The following ARHGAP6 variants were observed in gnomAD, a reference collection of about 807,000 sequenced individuals.
ARHGAP6 encodes Rho GTPase activating protein 6.
ARHGAP6 carries 16 observed loss-of-function variants against 55.7 expected under a neutral mutation model. The ratio of observed to expected loss-of-function variants is 0.29; its 90% confidence interval spans 0.19 to 0.44. The LOEUF is 0.44. Ranked by LOEUF, ARHGAP6 falls within the 20% of genes least tolerant of loss-of-function variation. The pLI is 1.00. For missense variants in ARHGAP6, 698 were observed against 808.9 expected, an observed-to-expected ratio of 0.86 and a Z score of 1.66; for synonymous variants, 382 against 360.9, an observed-to-expected ratio of 1.06 and a Z score of -0.66.
intron 1 of ARHGAP6, among the ~76,000 whole-genome samples, chrX:11,496,426 GCTA>G (rs1434620571): frequency 9.9e-5 from 11 of 110,726 alleles, no homozygotes; most frequent in Non-Finnish European, 1.7e-4. Flanking sequence ...TTATATATCT[GCTA>G]CTATAAGATT....
intron 9 of ARHGAP6, among the ~76,000 whole-genome samples, chrX:11,165,178 A>G (rs2046001958): frequency 9.0e-6 from 1 of 111,689 alleles, no homozygotes; most frequent in Non-Finnish European, 1.9e-5. Context: ...CAGAATTGCA[A>G]TATTTATTCA....
At chrX:11,418,946 C>T (rs1238709202) in intron 1 of ARHGAP6, among the ~76,000 whole-genome samples, 1 of 112,188 alleles carries the variant, frequency 8.9e-6, no homozygotes, top group Non-Finnish European at 1.9e-5. Context: ...CCCCCTCCCG[C>T]CAGCCCTCAA....
chrX:11,342,412 G>C (rs1405415610), intron 1 of ARHGAP6, among the ~76,000 whole-genome samples: 1 of 112,082 alleles, frequency 8.9e-6, no homozygotes, highest in Non-Finnish European at 1.9e-5. Context: ...GGACGCTATA[G>C]TCTGGATCCT....
At chrX:11,521,714 T>G (rs773065901) in intron 1 of ARHGAP6, among the ~76,000 whole-genome samples, 1 of 111,160 alleles carries the variant, frequency 9.0e-6, no homozygotes, top group African/African-American at 3.3e-5. Flanking sequence ...GGTAGCTTGA[T>G]GGGGATGGCA....
intron 1 of ARHGAP6, among the ~76,000 whole-genome samples, chrX:11,494,045 G>A (rs1367808922): frequency 1.8e-5 from 2 of 110,134 alleles, no homozygotes; most frequent in Non-Finnish European, 3.8e-5. Flanking sequence ...CAGTATGGAT[G>A]TTTGGGACCA....
At chrX:11,239,226 C>G (rs1393947773) in intron 2 of ARHGAP6, among the ~76,000 whole-genome samples, 1 of 111,401 alleles carries the variant, frequency 9.0e-6, no homozygotes, top group Non-Finnish European at 1.9e-5. Context: ...ATCTTCATAA[C>G]TCTCTGTAAT....
At chrX:11,432,108 T>C (rs888727559) in intron 1 of ARHGAP6, among the ~76,000 whole-genome samples, 1 of 112,719 alleles carries the variant, frequency 8.9e-6, no homozygotes, top group Non-Finnish European at 1.9e-5. Flanking sequence ...TAATCACCCC[T>C]GGTTGAAATC....
chrX:11,443,737 G>A (rs1201425496), intron 1 of ARHGAP6, among the ~76,000 whole-genome samples: 1 of 111,574 alleles, frequency 9.0e-6, no homozygotes, highest in African/African-American at 3.3e-5. Flanking sequence ...GACCATCCTG[G>A]CTAACATGGT....
chrX:11,309,161 C>T (rs757697282), intron 1 of ARHGAP6, among the ~76,000 whole-genome samples: 10 of 112,122 alleles, frequency 8.9e-5, no homozygotes, highest in Non-Finnish European at 1.5e-4. Context: ...GAATCTTTCA[C>T]GTCTTCCTGG....
intron 1 of ARHGAP6, among the ~76,000 whole-genome samples, chrX:11,268,650 A>T (rs1376730874): frequency 9.0e-6 from 1 of 111,359 alleles, no homozygotes; most frequent in African/African-American, 3.3e-5. Flanking sequence ...CTTCATTTCT[A>T]GCCCCAGTCC....
intron 1 of ARHGAP6, among the ~76,000 whole-genome samples, chrX:11,437,747 A>T (rs766085882): frequency 8.9e-6 from 1 of 112,255 alleles, no homozygotes; most frequent in South Asian, 3.7e-4. Context: ...CCCCAGGGTG[A>T]TGTAAACTCC....
intron 1 of ARHGAP6, among the ~76,000 whole-genome samples, chrX:11,405,788 T>C (rs751105268): frequency 5.3e-5 from 6 of 112,250 alleles, no homozygotes; most frequent in African/African-American, 1.9e-4. Flanking sequence ...TTGTAATCAG[T>C]GGACTTGAGT....
intron 2 of ARHGAP6, among the ~76,000 whole-genome samples, chrX:11,222,542 T>A (rs1238057752): frequency 8.9e-6 from 1 of 112,266 alleles, no homozygotes; most frequent in East Asian, 2.8e-4. Context: ...GTAATACAGT[T>A]TTCAGAAACA....
chrX:11,414,552 G>GA (rs936892977), intron 1 of ARHGAP6, among the ~76,000 whole-genome samples: 42 of 104,751 alleles, frequency 4.0e-4, no homozygotes, highest in African/African-American at 6.9e-4. Flanking sequence ...GAGCAAACTG[G>GA]AAAAAAAAAC....
chrX:11,629,714 C>T (rs1451244028), intron 1 of ARHGAP6, among the ~76,000 whole-genome samples: 1 of 111,082 alleles, frequency 9.0e-6, no homozygotes, highest in African/African-American at 3.3e-5. Context: ...CCCCAAGGCA[C>T]TGAGTGGCCA....
intron 11 of ARHGAP6, chrX:11,143,661 A>G: frequency 4.9e-6 from 5 of 1,016,963 alleles, no homozygotes; most frequent in Non-Finnish European, 6.2e-6. Context: ...TCCAGTATAC[A>G]TAAAGTTCCT....
chrX:11,574,914 C>T (rs2051578317), intron 1 of ARHGAP6, among the ~76,000 whole-genome samples: 1 of 111,245 alleles, frequency 9.0e-6, no homozygotes, highest in South Asian at 3.8e-4. Context: ...AAAATCAATC[C>T]CTCTCATCTG....
At chrX:11,227,793 C>CTTTTTTTT (rs199899751) in intron 2 of ARHGAP6, among the ~76,000 whole-genome samples, 5 of 108,201 alleles carry the variant, frequency 4.6e-5, no homozygotes, top group African/African-American at 1.7e-4. Context: ...CTTTCTTTTT[C>CTTTTTTTT]TTTTTTCTTT....
chrX:11,139,394 C>G lies in ARHGAP6; in HGVS notation c.2394G>C (p.Arg798=), dbSNP rs1182686930. 8.4e-7 allele frequency: 1 copy of G among 1,185,554 alleles called. No individual in the cohort carries two copies. Among genetic ancestry groups the G allele is most frequent in the Admixed American group, 2.4e-5 (1 of 41,527 alleles). ...TCGCGGGGGCTGCGGCCTGAGTCCT[C>G]CGAGCCCCCTGCGTGTCGCTGTCCA... ...AELDSDTQGA[R]RTQAAAPATE... The change falls in exon 13 of 13, where the codon CGG becomes CGC. Residue 798 remains arginine (R), a synonymous_variant. Transcript: ENST00000337414.
Sources: allele counts gnomAD v4.1 joint callset (sites outside exome capture counted in the v4.1 genomes callset), GRCh38; gene constraint gnomAD v4.1.1; transcripts MANE v1.5; gene names NCBI Gene and HGNC (gene_info 2026-07-23, HGNC 2026-07-21).